Variants in PAPPA observed in about 807,000 individuals in gnomAD.
The protein encoded by PAPPA is pappalysin 1.
Under a neutral mutation model 164.0 loss-of-function variants are expected in PAPPA, and 60 were observed. That is an observed-to-expected ratio of 0.37 (90% confidence interval 0.30 to 0.45). The LOEUF (loss-of-function observed/expected upper bound fraction) is 0.45, where lower values mean the gene tolerates loss of function less well. Among genes scored for constraint, PAPPA ranks in the 20% least tolerant of loss-of-function variants. The probability of loss-of-function intolerance (pLI) is 1.00; values close to 1 mark genes in which losing one functional copy is unlikely to be tolerated. For missense variants in PAPPA, 1,782 were observed against 2,087.3 expected, an observed-to-expected ratio of 0.85 and a Z score of 2.85; for synonymous variants, 875 against 814.1, an observed-to-expected ratio of 1.07 and a Z score of -1.27.
chr9:116,223,060 C>T lies in PAPPA; in HGVS notation c.2111+2931C>T, dbSNP rs949306090. On this transcript the variant is annotated intron_variant, in intron 5 of 21. Coordinates refer to ENST00000328252, the MANE Select transcript of PAPPA (RefSeq NM_002581.5). ...ATGTGGGCATTAATTTTTCACATTA[C>T]CATCAGTACCTGAGTCTAGAACCTA... Among the ~76,000 whole-genome samples the T allele has an allele frequency of 5.3e-5, 8 of 152,234 alleles. No homozygotes were observed. The South Asian group carries it at 1.5e-3, about 28-fold the overall frequency.
Position 116,368,944 on chromosome 9 carries a change from CTG to C in PAPPA, c.4605+1193_4605+1194del, listed in dbSNP as rs1331688322. ...ACCTGGCCAGACCTCCTCCACTCCTCTGTGCGCCCCGGCATGCTCCTCCACTC... is the reference window on the plus strand; with the variant it reads ...ACCTGGCCAGACCTCCTCCACTCCTCTGCGCCCCGGCATGCTCCTCCACTC... On this transcript the variant is annotated intron_variant, in intron 19 of 21. Transcript: ENST00000328252. 2.0e-5 allele frequency among the ~76,000 whole-genome samples: 3 copies of C among 152,286 alleles called. No individual in the cohort carries two copies. The East Asian group carries it at 5.8e-4, about 29-fold the overall frequency.
At position 116,347,981 on chromosome 9, in the gene PAPPA, A is replaced by T. The variant is rs1846233321; in HGVS notation, c.3964+772A>T. Among the ~76,000 whole-genome samples, 1 of 152,174 alleles carries T rather than the reference A, an allele frequency of 6.6e-6. No individual in the cohort carries two copies. Among genetic ancestry groups the T allele is most frequent in the Non-Finnish European group, 1.5e-5 (1 of 68,022 alleles). ...AGGCTTTTGGGAAAGGGAGGTGTAT[A>T]AATTAACATTGATTATTACAGACCT... On this transcript the variant is annotated intron_variant, in intron 15 of 21. Coordinates refer to ENST00000328252, the MANE Select transcript of PAPPA (RefSeq NM_002581.5). The surrounding 1 kb of genome is among the most constrained non-coding windows in gnomAD (Gnocchi z 4.5).
intron 13 of PAPPA, among the ~76,000 whole-genome samples, chr9:116,338,557 A>T (rs1363301914): frequency 2.6e-5 from 4 of 152,212 alleles, no homozygotes; most frequent in African/African-American, 9.6e-5. Flanking sequence ...TTTGGAACAC[A>T]GAATGAAGCT....
rs764959068 is a variant in PAPPA, at chr9:116,187,199, T to C, written c.461T>C (p.Val154Ala). ...CSYISRDRGW[V>A]VGIHTISDQD... ...TATATCTCACGTGACCGAGGATGGG[T>C]CGTGGGCATTCACACCATCAGTGAC... Residue 154 changes from valine to alanine, a missense_variant, in exon 2 of 22, where the codon GTC (valine) becomes GCC (alanine). Physicochemically the swap from Val to Ala is moderately conservative, Grantham distance 64. Around this residue, in one of 2 missense-constraint regions of PAPPA, gnomAD observed 458 missense variants for 430.3 expected, o/e 1.06. Coordinates refer to ENST00000328252, the MANE Select transcript of PAPPA (RefSeq NM_002581.5). The surrounding 1 kb of genome is among the most constrained non-coding windows in gnomAD (Gnocchi z 4.2). The C allele has an allele frequency of 4.6e-5, 74 of 1,613,990 alleles. No homozygotes were observed. The highest frequency in any genetic ancestry group is 6.7e-5 in the Admixed American group (4 of 59,984).
chr9:116,334,408 A>G (rs1166922213), intron 12 of PAPPA, among the ~76,000 whole-genome samples: 1 of 152,142 alleles, frequency 6.6e-6, no homozygotes, highest in Non-Finnish European at 1.5e-5. Flanking sequence ...GGCTGCTCCC[A>G]GGTTCACAGA....
Position 116,235,445 on chromosome 9 carries a change from G to T in PAPPA, c.2540G>T (p.Gly847Val), listed in dbSNP as rs908085310. The T allele has an allele frequency of 6.2e-7, 1 of 1,612,956 alleles. No homozygotes were observed. Among genetic ancestry groups the T allele is most frequent in the African/African-American group, 1.3e-5 (1 of 74,692 alleles). ...VPLTIRLWDVGEEVYGIQIYT... is the reference protein window; with the variant it reads ...VPLTIRLWDVVEEVYGIQIYT... ...CTGACCATCAGACTCTGGGACGTGG[G>T]CGAGGAGGTGTATGGCATCCAAATC... The change falls in exon 7 of 22, where the codon GGC becomes GTC. Residue 847 changes from glycine to valine, a missense_variant. This residue lies in a region of PAPPA where 1,324 missense variants were observed against 1,656.9 expected (regional missense o/e 0.80). Transcript: ENST00000328252.
At chr9:116,156,334 G>GTGTATATATATATATGTGTATATA (rs1554730866) in intron 1 of PAPPA, among the ~76,000 whole-genome samples, 9 of 139,590 alleles carry the variant, frequency 6.4e-5, no homozygotes, top group Admixed American at 4.3e-4. Flanking sequence ...ATATATATGT[G>GTGTATATATATATATGTGTATATA]TATATATATA....
At chr9:116,396,183 T>C (rs909741139) in intron 21 of PAPPA, among the ~76,000 whole-genome samples, 10 of 152,300 alleles carry the variant, frequency 6.6e-5, no homozygotes, top group Non-Finnish European at 1.5e-4. Flanking sequence ...AGCTTCAGTT[T>C]CCCCATCAAT....
At chr9:116,221,205 G>C (rs1254630532) in intron 5 of PAPPA, among the ~76,000 whole-genome samples, 1 of 152,090 alleles carries the variant, frequency 6.6e-6, no homozygotes, top group Non-Finnish European at 1.5e-5. Flanking sequence ...TAAACTCCTT[G>C]AGGAGCTCAA....
intron 10 of PAPPA, among the ~76,000 whole-genome samples, chr9:116,313,265 G>T (rs769777475): frequency 8.0e-4 from 121 of 152,190 alleles, no homozygotes; most frequent in Middle Eastern, 3.4e-3. Flanking sequence ...TGCCAGGGCA[G>T]TCCAAAAAAG....
chr9:116,266,120 T>C (rs1845065597), intron 8 of PAPPA, 135 bp downstream of exon 8: 3 of 663,870 alleles, frequency 4.5e-6, no homozygotes, highest in Middle Eastern at 4.1e-4. Context: ...CCCAGCAGTC[T>C]CTGGATTGGT....
intron 10 of PAPPA, among the ~76,000 whole-genome samples, chr9:116,319,611 T>C (rs1193794170): frequency 2.6e-5 from 4 of 152,208 alleles, no homozygotes; most frequent in African/African-American, 9.6e-5. Flanking sequence ...TTTGGATATT[T>C]ATCATCCTCA....
intron 10 of PAPPA, among the ~76,000 whole-genome samples, chr9:116,312,433 G>A (rs905363877): frequency 6.6e-6 from 1 of 151,978 alleles, no homozygotes; most frequent in Non-Finnish European, 1.5e-5. Context: ...CTCCTGGGCT[G>A]TAATGCACTT....
chr9:116,242,520 G>A (rs557110149), intron 7 of PAPPA, among the ~76,000 whole-genome samples: 1 of 152,192 alleles, frequency 6.6e-6, no homozygotes, highest in East Asian at 1.9e-4. Flanking sequence ...TTTAGCTGCT[G>A]TACAGTATCC....
chr9:116,154,542 TG>T lies in PAPPA; in HGVS notation c.372del (p.Trp124CysfsTer13). On this transcript the variant is annotated frameshift_variant, in exon 1 of 22. Coordinates refer to ENST00000328252, the MANE Select transcript of PAPPA (RefSeq NM_002581.5). LOFTEE classifies it high-confidence loss of function. This position sits in a 1 kb window ranked among gnomAD's most constrained non-coding sequence, Gnocchi z 5.2. Reference sequence around the variant, plus strand: ...CCGGGACGCGTTCACGCTGCAAGTGTGGCTGCGAGCGGAGGGGGGCCAGAGG... The same window carrying T: ...CCGGGACGCGTTCACGCTGCAAGTGTGCTGCGAGCGGAGGGGGGCCAGAGG... The part of the protein sequence containing the change: ...LPRDAFTLQV[W>X]LRAEGGQRSP... 1 of 1,403,802 alleles carries T rather than the reference TG, an allele frequency of 7.1e-7. No homozygotes were observed. Among genetic ancestry groups the T allele is most frequent in the Admixed American group, 2.7e-5 (1 of 36,826 alleles). 87.0% of individuals were successfully genotyped at this position (1,403,802 alleles called of 1,614,324 possible).
intron 14 of PAPPA, among the ~76,000 whole-genome samples, chr9:116,346,548 TACA>T (rs1475884261): frequency 3.3e-5 from 5 of 152,274 alleles, no homozygotes; most frequent in African/African-American, 1.2e-4. Context: ...TGCCAAACAC[TACA>T]ACAAGTTCCT....
At chr9:116,180,713 T>C (rs1047711158) in intron 1 of PAPPA, among the ~76,000 whole-genome samples, 1 of 152,082 alleles carries the variant, frequency 6.6e-6, no homozygotes, top group African/African-American at 2.4e-5. Flanking sequence ...TGGCAGAAAG[T>C]CAAATGTTAT....
At chr9:116,363,368 A>G (rs548316656) in intron 18 of PAPPA, among the ~76,000 whole-genome samples, 1 of 152,306 alleles carries the variant, frequency 6.6e-6, no homozygotes, top group East Asian at 1.9e-4. Context: ...ATGGCATCTC[A>G]GCTGCATCCA....
chr9:116,338,113 C>T (rs780501956), intron 13 of PAPPA, among the ~76,000 whole-genome samples: 31 of 152,106 alleles, frequency 2.0e-4, no homozygotes, highest in Non-Finnish European at 3.7e-4. Flanking sequence ...TGTTCATCCA[C>T]GTTGTGGTTC....
Sources: gnomAD v4.1 joint callset for allele counts (sites outside exome capture counted in the v4.1 genomes callset) on GRCh38, gnomAD v4.1.1 for gene constraint, gnomAD v4.1.1 regional missense constraint, Gnocchi (gnomAD v3.1) non-coding constraint, MANE v1.5 for transcripts, NCBI Gene and HGNC (gene_info 2026-07-23, HGNC 2026-07-21) for gene names.